GRTP1: variants seen among roughly 807,000 people sequenced by gnomAD.
GRTP1 encodes the protein growth hormone-regulated TBC protein 1.
A neutral mutation model predicts 38.1 loss-of-function variants in GRTP1; 56 were observed. That is an observed-to-expected ratio of 1.47 (90% CI 1.19 to 1.84). The LOEUF is 1.84. Among genes scored for constraint, GRTP1 ranks in the 40% most tolerant of loss-of-function variants. The probability of loss-of-function intolerance (pLI) is 0.00; values close to 1 mark genes in which losing one functional copy is unlikely to be tolerated. For missense variants in GRTP1, 506 were observed against 453.9 expected, an observed-to-expected ratio of 1.11 and a Z score of -1.04; for synonymous variants, 217 against 189.5, an observed-to-expected ratio of 1.14 and a Z score of -1.19.
chr13:113,325,677 C>A lies in GRTP1; in HGVS notation c.905G>T (p.Cys302Phe). The stretch of plus-strand genomic sequence containing the variant: ...CCCACACACCTGCATAAACGTGTGA[C>A]ACTCCATCACGAAACTCCCTTTGGT... ...QITKGSFVMECHTFMQKIFSE... is the reference protein window; with the variant it reads ...QITKGSFVMEFHTFMQKIFSE... The change falls in exon 7 of 8, where the codon TGT becomes TTT. Residue 302 changes from cysteine (C) to phenylalanine (F), a missense_variant. By Grantham distance (205) the Cys-to-Phe change is radical (BLOSUM62 -2). Transcript: ENST00000375431. The A allele has an allele frequency of 1.2e-6, 2 of 1,614,166 alleles. No homozygotes were observed. Among genetic ancestry groups the A allele is most frequent in the Non-Finnish European group, 1.7e-6 (2 of 1,180,030 alleles).
chr13:113,345,804 A>G (rs1595493821), intron 4 of GRTP1, among the ~76,000 whole-genome samples: 1 of 152,138 alleles, frequency 6.6e-6, no homozygotes, highest in African/African-American at 2.4e-5. Flanking sequence ...CTTGGCCTGG[A>G]CCTCCCCTTA....
intron 2 of GRTP1, among the ~76,000 whole-genome samples, chr13:113,361,341 T>C (rs912059960): frequency 8.6e-5 from 13 of 152,040 alleles, no homozygotes; most frequent in African/African-American, 3.1e-4. Context: ...TTCCCTGCTC[T>C]TCCCAGAACC....
At chr13:113,325,630 A>G (rs1566409837) in intron 7 of GRTP1, 31 bp downstream of exon 7, 22 of 1,610,200 alleles carry the variant, frequency 1.4e-5, no homozygotes, top group Non-Finnish European at 1.1e-5. Flanking sequence ...GCCCCCTGGG[A>G]GGGGACTGAG....
At chr13:113,325,583 G>A in intron 7 of GRTP1, 78 bp downstream of exon 7, 1 of 1,609,034 alleles carries the variant, frequency 6.2e-7, no homozygotes, top group East Asian at 2.2e-5. Context: ...CACCCTCCGG[G>A]TGGTCAGAGC....
chr13:113,330,181 G>A (rs1457284420), intron 5 of GRTP1, among the ~76,000 whole-genome samples: 6 of 148,148 alleles, frequency 4.1e-5, no homozygotes, highest in South Asian at 2.1e-4. Flanking sequence ...GCCCAGGTGC[G>A]TGGATGGAAA....
intron 2 of GRTP1, among the ~76,000 whole-genome samples, chr13:113,363,242 C>CT (rs2043531008): frequency 6.6e-6 from 1 of 152,230 alleles, no homozygotes; most frequent in Non-Finnish European, 1.5e-5. Flanking sequence ...GAGTCTCGCT[C>CT]TGTCGCCCAG....
intron 5 of GRTP1, among the ~76,000 whole-genome samples, chr13:113,333,846 T>TA (rs1566418684): frequency 8.6e-5 from 9 of 104,238 alleles, no homozygotes; most frequent in Non-Finnish European, 1.6e-4. Context: ...TTAGTGTGTG[T>TA]GTGTGTGTGT....
intron 2 of GRTP1, 34 bp downstream of exon 2, chr13:113,363,728 G>GCCCTCGGGACCCACCTGCT: frequency 6.3e-7 from 1 of 1,585,846 alleles, no homozygotes. Flanking sequence ...ACCCACCTGC[G>GCCCTCGGGACCCACCTGCT]CCCTCGGGAC....
chr13:113,335,425 A>G (rs550341596), intron 5 of GRTP1, among the ~76,000 whole-genome samples: 297 of 64,406 alleles, frequency 4.6e-3, no homozygotes, highest in African/African-American at 0.015. Context: ...TCTGTCTCAC[A>G]AAAAACAAAA....
chr13:113,346,532 G>A lies in GRTP1; in HGVS notation c.466-1573C>T, dbSNP rs868194797. Among the ~76,000 whole-genome samples the A allele has an allele frequency of 6.2e-3, 44 of 7,070 alleles. 3 individuals are homozygous for A. The highest frequency in any genetic ancestry group is 0.013 in the Non-Finnish European group (1 of 76). 4.6% of individuals were successfully genotyped at this position (7,070 alleles called of 152,430 possible). On this transcript the variant is annotated intron_variant, in intron 4 of 7. Coordinates refer to ENST00000375431, the MANE Select transcript of GRTP1 (RefSeq NM_024719.4). ...GACCTCTGTGGCAAAGAGCAGACCC[G>A]GGAGGACCTCTGTGGCAAAGAGCAG...
chr13:113,356,736 A>G (rs74324660), intron 2 of GRTP1, among the ~76,000 whole-genome samples: 1,991 of 152,320 alleles, frequency 0.013, 39 homozygotes, highest in African/African-American at 0.046. Flanking sequence ...TACAGTCAAG[A>G]AAAGCACTAT....
At chr13:113,341,335 C>T (rs562150508) in intron 5 of GRTP1, among the ~76,000 whole-genome samples, 184 of 151,770 alleles carry the variant, frequency 1.2e-3, no homozygotes, top group Admixed American at 2.6e-3. Context: ...GGTGTGATCT[C>T]GGCTTTCTGC....
chr13:113,328,823 TCC>T (rs747505771), intron 5 of GRTP1, among the ~76,000 whole-genome samples: 3 of 152,220 alleles, frequency 2.0e-5, no homozygotes, highest in Admixed American at 1.3e-4. Context: ...CGTCTCCCTC[TCC>T]CTTTCCCTAC....
intron 7 of GRTP1, chr13:113,324,827 G>GA: frequency 8.4e-7 from 1 of 1,197,040 alleles, no homozygotes. Context: ...GCTTCCATTA[G>GA]ACTTTTTTTT....
chr13:113,364,023 G>A lies in GRTP1; in HGVS notation c.29C>T (p.Pro10Leu), dbSNP rs1223335173. The A allele has an allele frequency of 2.3e-6, 3 of 1,322,690 alleles. No individual in the cohort carries two copies. Among genetic ancestry groups the A allele is most frequent in the Non-Finnish European group, 2.9e-6 (3 of 1,039,894 alleles). 81.9% of individuals were successfully genotyped at this position (1,322,690 alleles called of 1,614,324 possible). A position where few individuals can be genotyped will look rare whatever the true frequency, so the allele number is the denominator to read the frequency against. The stretch of plus-strand genomic sequence containing the variant: ...GCCCGCACCCCGCGCCACACACCTG[G>A]GGACCCGCGAGCGCTCGGCGGGCTG... MQPAERSRV[P>L]RIDPYGFERP... is the part of the protein sequence containing the mutation. The change falls in exon 1 of 8, where the codon CCC becomes CTC. Residue 10 changes from proline to leucine, a missense_variant. By Grantham distance (98) the Pro-to-Leu change is moderately conservative. Coordinates refer to ENST00000375431, the MANE Select transcript of GRTP1 (RefSeq NM_024719.4).
At chr13:113,361,367 A>G (rs2043496418) in intron 2 of GRTP1, among the ~76,000 whole-genome samples, 1 of 152,022 alleles carries the variant, frequency 6.6e-6, no homozygotes, top group African/African-American at 2.4e-5. Flanking sequence ...CCAAGTCCAT[A>G]TTGGAAAGTG....
At position 113,357,094 on chromosome 13, in the gene GRTP1, G is replaced by A. The variant is rs1209613595; in HGVS notation, c.182-1613C>T. Reference sequence around the variant, plus strand: ...TGGGAGGCCAAGGTGGGCAGATCACGAGGTCAAGAGATCGAGACCATCCTG... The same window carrying A: ...TGGGAGGCCAAGGTGGGCAGATCACAAGGTCAAGAGATCGAGACCATCCTG... On this transcript the variant is annotated intron_variant, in intron 2 of 7. Transcript: ENST00000375431. 4.6e-5 allele frequency among the ~76,000 whole-genome samples: 7 copies of A among 151,224 alleles called. No individual in the cohort carries two copies. In the South Asian group the frequency reaches 1.0e-3, roughly 23 times the overall value.
chr13:113,346,733 C>T lies in GRTP1; in HGVS notation c.466-1774G>A, dbSNP rs372249684. On this transcript the variant is annotated intron_variant, in intron 4 of 7. Coordinates refer to ENST00000375431, the MANE Select transcript of GRTP1 (RefSeq NM_024719.4). Reference sequence around the variant, plus strand: ...CCGGGAGGACCTCTGTGGCTGAGAGCGGACCCGGGAGGACCTCTGTGGCTG... The same window carrying T: ...CCGGGAGGACCTCTGTGGCTGAGAGTGGACCCGGGAGGACCTCTGTGGCTG... Among the ~76,000 whole-genome samples the T allele has an allele frequency of 5.0e-3, 2 of 398 alleles. 1 individual carries two copies. Among genetic ancestry groups the T allele is most frequent in the African/African-American group, 0.026 (2 of 78 alleles). The allele number at this position is 398 out of a possible 152,430, so 0.3% of individuals were successfully genotyped here. A position where few individuals can be genotyped will look rare whatever the true frequency, so the allele number is the denominator to read the frequency against.
intron 2 of GRTP1, among the ~76,000 whole-genome samples, 193 bp downstream of exon 2, chr13:113,363,569 C>G (rs567649603): frequency 1.1e-4 from 17 of 152,166 alleles, no homozygotes; most frequent in African/African-American, 4.1e-4. Context: ...CCTTCGCGTC[C>G]GACCCGCCGG....
Sources: allele counts gnomAD v4.1 joint callset (sites outside exome capture counted in the v4.1 genomes callset), GRCh38; gene constraint gnomAD v4.1.1; transcripts MANE v1.5; gene names NCBI Gene and HGNC (gene_info 2026-07-23, HGNC 2026-07-21).